The following AGMO variants were observed in gnomAD, a reference collection of about 807,000 sequenced individuals.
AGMO encodes alkylglycerol monooxygenase, also known as glyceryl-ether monooxygenase.
In AGMO, 75 loss-of-function variants were observed where a neutral mutation model predicts 60.2. That is an observed-to-expected ratio of 1.25 (90% CI 1.03 to 1.51). AGMO has a LOEUF of 1.51. Ranked by LOEUF, AGMO falls within the 40% of genes most tolerant of loss-of-function variation. The probability of loss-of-function intolerance (pLI) is 0.00; values close to 1 mark genes in which losing one functional copy is unlikely to be tolerated. For synonymous variants in AGMO, 261 were observed against 177.1 expected, an observed-to-expected ratio of 1.47 and a Z score of -3.76; for missense variants, 763 against 525.5, an observed-to-expected ratio of 1.45 and a Z score of -4.42.
chr7:15,150,705 A>G, the AGMO span, among the ~76,000 whole-genome samples: 2 of 152,222 alleles, frequency 1.3e-5, no homozygotes, highest in African/African-American at 4.8e-5. Flanking sequence ...TTGATTGGCT[A>G]CTATTTTATT....
the AGMO span, among the ~76,000 whole-genome samples, chr7:15,184,261 GAGA>G: frequency 3.7e-5 from 5 of 136,560 alleles, no homozygotes; most frequent in African/African-American, 1.3e-4. Context: ...GGGAGGGAGG[GAGA>G]AAGGGAGGAA....
chr7:15,129,779 G>T, the AGMO span, among the ~76,000 whole-genome samples: 2 of 152,104 alleles, frequency 1.3e-5, no homozygotes, highest in Non-Finnish European at 2.9e-5. Flanking sequence ...TTGAACAAGA[G>T]TTCTGTTCTG....
At chr7:15,123,641 T>G in the AGMO span, among the ~76,000 whole-genome samples, 1 of 152,056 alleles carries the variant, frequency 6.6e-6, no homozygotes, top group African/African-American at 2.4e-5. Context: ...GACCTGCTAA[T>G]CTCTTCTCTC....
intron 12 of AGMO, among the ~76,000 whole-genome samples, chr7:15,274,557 T>C (rs1238378878): frequency 6.6e-6 from 1 of 152,014 alleles, no homozygotes; most frequent in African/African-American, 2.4e-5. Flanking sequence ...GTGTCCTTTC[T>C]TGATTTGAGT....
chr7:15,497,706 A>T (rs1315953487), intron 3 of AGMO, among the ~76,000 whole-genome samples: 1 of 152,104 alleles, frequency 6.6e-6, no homozygotes, highest in Non-Finnish European at 1.5e-5. Flanking sequence ...TTATTATTGC[A>T]ATTTAACAGA....
chr7:15,557,713 G>T (rs1402695885), intron 2 of AGMO, among the ~76,000 whole-genome samples: 2 of 151,960 alleles, frequency 1.3e-5, no homozygotes, highest in Admixed American at 1.3e-4. Context: ...AGACAAGGCT[G>T]TAAAAGAGAA....
the AGMO span, among the ~76,000 whole-genome samples, chr7:15,189,250 T>C: frequency 6.6e-6 from 1 of 151,846 alleles, no homozygotes; most frequent in Admixed American, 6.6e-5. Flanking sequence ...ATGAGGGAAA[T>C]GGCCTTATTA....
At chr7:15,119,337 G>C in the AGMO span, among the ~76,000 whole-genome samples, 1 of 151,972 alleles carries the variant, frequency 6.6e-6, no homozygotes, top group Non-Finnish European at 1.5e-5. Flanking sequence ...GCAGAACTGT[G>C]AGCCAATTAA....
At chr7:15,540,964 T>G (rs568443008) in intron 3 of AGMO, among the ~76,000 whole-genome samples, 2 of 152,362 alleles carry the variant, frequency 1.3e-5, no homozygotes, top group East Asian at 3.9e-4. Flanking sequence ...ATCAGGACCC[T>G]GAAGGTCTCA....
intron 9 of AGMO, 88 bp from the exon 10 acceptor site, chr7:15,385,650 T>G (rs1562477264): frequency 1.3e-6 from 1 of 760,562 alleles, no homozygotes; most frequent in South Asian, 1.6e-5. Flanking sequence ...GAAAAAAGTA[T>G]CTGCTATTTT....
At chr7:15,531,432 A>C (rs1236886735) in intron 3 of AGMO, among the ~76,000 whole-genome samples, 1 of 55,992 alleles carries the variant, frequency 1.8e-5, no homozygotes, top group Non-Finnish European at 3.0e-5. Flanking sequence ...TATATTCTAT[A>C]TATATATTCT....
intron 3 of AGMO, among the ~76,000 whole-genome samples, chr7:15,510,553 A>ATG (rs996103651): frequency 6.7e-6 from 1 of 149,166 alleles, no homozygotes; most frequent in Non-Finnish European, 1.5e-5. Flanking sequence ...TATATCATAT[A>ATG]TATATGTCAT....
intron 3 of AGMO, among the ~76,000 whole-genome samples, chr7:15,518,090 C>T (rs1783871064): frequency 6.6e-6 from 1 of 152,180 alleles, no homozygotes; most frequent in Non-Finnish European, 1.5e-5. Context: ...TTGGCAAAGC[C>T]ACTGTAGCCA....
intron 12 of AGMO, among the ~76,000 whole-genome samples, chr7:15,332,384 G>A (rs1183617945): frequency 6.6e-6 from 1 of 152,090 alleles, no homozygotes; most frequent in Admixed American, 6.6e-5. Context: ...GAGACTAAAG[G>A]TCTGTCTCGT....
At chr7:15,440,849 T>A (rs539297487) in intron 3 of AGMO, among the ~76,000 whole-genome samples, 46 of 152,328 alleles carry the variant, frequency 3.0e-4, no homozygotes, top group Non-Finnish European at 5.7e-4. Context: ...TGGAAAGTAA[T>A]GTTATGGATA....
chr7:15,272,214 T>G (rs1364689932), intron 12 of AGMO, among the ~76,000 whole-genome samples: 1 of 151,906 alleles, frequency 6.6e-6, no homozygotes, highest in Non-Finnish European at 1.5e-5. Context: ...TGTGCCATGT[T>G]GGTGTGCTGC....
At chr7:15,386,215 G>A (rs903502607) in intron 9 of AGMO, among the ~76,000 whole-genome samples, 1 of 152,068 alleles carries the variant, frequency 6.6e-6, no homozygotes, top group Admixed American at 6.6e-5. Flanking sequence ...GATCTTGGCA[G>A]TGTAGGTAAT....
At chr7:15,523,761 C>A (rs190626128) in intron 3 of AGMO, among the ~76,000 whole-genome samples, 2 of 152,148 alleles carry the variant, frequency 1.3e-5, no homozygotes, top group Admixed American at 1.3e-4. Flanking sequence ...GTGCAGCAAA[C>A]CACCATGGCA....
At chr7:15,412,684 T>TAAAAAA (rs765917941) in intron 5 of AGMO, among the ~76,000 whole-genome samples, 97 of 111,220 alleles carry the variant, frequency 8.7e-4, no homozygotes, top group African/African-American at 1.2e-3. Flanking sequence ...TTTCATTATT[T>TAAAAAA]AAAAAAAAAA....
Sources: gnomAD v4.1 joint callset for allele counts (sites outside exome capture counted in the v4.1 genomes callset) on GRCh38, gnomAD v4.1.1 for gene constraint, MANE v1.5 for transcripts, NCBI Gene and HGNC (gene_info 2026-07-23, HGNC 2026-07-21) for gene names.